The following MLLT1 variants were observed in gnomAD, a reference collection of about 807,000 sequenced individuals.
MLLT1 encodes protein ENL.
MLLT1 carries 11 observed loss-of-function variants against 55.1 expected under a neutral mutation model. The ratio of observed to expected loss-of-function variants is 0.20; its 90% CI spans 0.13 to 0.33. The LOEUF is 0.33. Ranked by LOEUF, MLLT1 falls within the 10% of genes least tolerant of loss-of-function variation. The probability of loss-of-function intolerance (pLI) is 1.00; values close to 1 mark genes in which losing one functional copy is unlikely to be tolerated. For missense variants in MLLT1, 536 were observed against 760.6 expected, an observed-to-expected ratio of 0.70 and a Z score of 3.47; for synonymous variants, 323 against 320.1, an observed-to-expected ratio of 1.01 and a Z score of -0.10.
chr19:6,233,274 C>A (rs113003478), intron 3 of MLLT1, among the ~76,000 whole-genome samples: 1 of 152,310 alleles, frequency 6.6e-6, no homozygotes, highest in African/African-American at 2.4e-5. Flanking sequence ...GCAGCTCCTG[C>A]GGCCGCCCAG....
rs954084806 is a variant in MLLT1, at chr19:6,231,445, C to A, written c.277-732G>T. On this transcript the variant is annotated intron_variant, in intron 3 of 11. Coordinates refer to ENST00000252674, the MANE Select transcript of MLLT1 (RefSeq NM_005934.4). This position sits in a 1 kb window ranked among gnomAD's most constrained non-coding sequence, Gnocchi z 5.1. Reference sequence around the variant, plus strand: ...GGCTTGCAGGAAGGAGCTGTCTGCACGGGCTCCTGTGGAGGCCTAGCCACA... The same window carrying A: ...GGCTTGCAGGAAGGAGCTGTCTGCAAGGGCTCCTGTGGAGGCCTAGCCACA... Among the ~76,000 whole-genome samples the A allele has an allele frequency of 6.6e-6, 1 of 152,102 alleles. No homozygotes were observed. Among genetic ancestry groups the A allele is most frequent in the Non-Finnish European group, 1.5e-5 (1 of 68,018 alleles).
chr19:6,249,065 G>T (rs977262050), intron 3 of MLLT1, among the ~76,000 whole-genome samples: 4 of 152,116 alleles, frequency 2.6e-5, no homozygotes, highest in Admixed American at 2.6e-4. Flanking sequence ...TCTAAATACA[G>T]ATCAAGCCTT....
intron 2 of MLLT1, among the ~76,000 whole-genome samples, chr19:6,263,620 C>T (rs1393587040): frequency 6.6e-6 from 1 of 152,232 alleles, no homozygotes. Context: ...TGCTTCAATT[C>T]AACCAGGGGA....
At chr19:6,268,041 G>A (rs1252389057) in intron 2 of MLLT1, among the ~76,000 whole-genome samples, 1 of 152,154 alleles carries the variant, frequency 6.6e-6, no homozygotes, top group East Asian at 1.9e-4. Flanking sequence ...ACAAGATGAA[G>A]AAGTCATATG....
At chr19:6,272,514 C>A (rs2091403543) in intron 1 of MLLT1, among the ~76,000 whole-genome samples, 1 of 152,216 alleles carries the variant, frequency 6.6e-6, no homozygotes, top group African/African-American at 2.4e-5. Flanking sequence ...CTGGTAGCCA[C>A]GCTGGAGACC....
Position 6,262,327 on chromosome 19 carries a change from G to C in MLLT1, c.194-17C>G. ...CCTTGCACACTAAAAAGAAAAGGAA[G>C]AAACACACCCATCAGCCTCCTGCCT... On this transcript the variant is annotated splice_polypyrimidine_tract_variant and intron_variant, in intron 2 of 11. Coordinates refer to ENST00000252674, the MANE Select transcript of MLLT1 (RefSeq NM_005934.4). The surrounding 1 kb of genome is among the most constrained non-coding windows in gnomAD (Gnocchi z 4.4). 1.2e-6 allele frequency: 2 copies of C among 1,609,258 alleles called. No individual in the cohort carries two copies. Among genetic ancestry groups the C allele is most frequent in the Non-Finnish European group, 1.7e-6 (2 of 1,176,406 alleles).
At chr19:6,264,231 C>T (rs2091328043) in intron 2 of MLLT1, among the ~76,000 whole-genome samples, 1 of 151,098 alleles carries the variant, frequency 6.6e-6, no homozygotes, top group Non-Finnish European at 1.5e-5. Context: ...CTCCTTCCCG[C>T]CCATTCCCCC....
chr19:6,244,449 C>T (rs992776498), intron 3 of MLLT1, among the ~76,000 whole-genome samples: 1 of 151,954 alleles, frequency 6.6e-6, no homozygotes, highest in Non-Finnish European at 1.5e-5. Flanking sequence ...CAGTCTCCCC[C>T]GCCTCTCTCA....
chr19:6,261,805 T>C (rs1367981492), intron 3 of MLLT1, among the ~76,000 whole-genome samples: 1 of 152,176 alleles, frequency 6.6e-6, no homozygotes, highest in Non-Finnish European at 1.5e-5. Context: ...CTGAAGGTCA[T>C]CAAAGATTCT....
chr19:6,261,641 C>CAA (rs556152203), intron 3 of MLLT1, among the ~76,000 whole-genome samples: 14 of 70,694 alleles, frequency 2.0e-4, no homozygotes, highest in African/African-American at 2.0e-4. Context: ...ATCATTAGGC[C>CAA]AAAAAAAAAA....
chr19:6,259,748 C>A (rs934284234), intron 3 of MLLT1: 1 of 141,288 alleles, frequency 7.1e-6, no homozygotes, highest in South Asian at 2.2e-4. Context: ...GGCCCAGCTA[C>A]GCGGCTTCTG....
rs1273260476 is a variant in MLLT1, at chr19:6,240,701, C to T, written c.277-9988G>A. The stretch of plus-strand genomic sequence containing the variant: ...ACGCACAGGGAGAGACTGGACCCCA[C>T]ACTCAGCTACGAACCTCCCGAGACA... On this transcript the variant is annotated intron_variant, in intron 3 of 11. Coordinates refer to ENST00000252674, the MANE Select transcript of MLLT1 (RefSeq NM_005934.4). The surrounding 1 kb of genome is among the most constrained non-coding windows in gnomAD (Gnocchi z 4.7). Among the ~76,000 whole-genome samples, 1 of 152,148 alleles carries T rather than the reference C, an allele frequency of 6.6e-6. No homozygotes were observed.
At chr19:6,233,383 G>A (rs1286505748) in intron 3 of MLLT1, among the ~76,000 whole-genome samples, 3 of 152,220 alleles carry the variant, frequency 2.0e-5, no homozygotes, top group South Asian at 4.1e-4. Context: ...CAAGGCCAGC[G>A]GGTGTGGCCG....
Position 6,210,561 on chromosome 19 carries a change from T to C in MLLT1, c.*2481A>G, listed in dbSNP as rs1235400179. 2 of 220,450 alleles carry C rather than the reference T, an allele frequency of 9.1e-6. No individual in the cohort carries two copies. Among genetic ancestry groups the C allele is most frequent in the Non-Finnish European group, 1.8e-5 (2 of 109,866 alleles). The allele number at this position is 220,450 out of a possible 1,614,324, so 13.7% of individuals were successfully genotyped here. The stretch of plus-strand genomic sequence containing the variant: ...GGCCGATGAGTGTCCTAGTTCCTAG[T>C]GAGACACGTTCTTTGTAAAAACCCT... On this transcript the variant is annotated 3_prime_UTR_variant, in exon 12 of 12. Coordinates refer to ENST00000252674, the MANE Select transcript of MLLT1 (RefSeq NM_005934.4). The surrounding 1 kb of genome is among the most constrained non-coding windows in gnomAD (Gnocchi z 4.6).
At position 6,256,649 on chromosome 19, in the gene MLLT1, G is replaced by A. The variant is rs1280041988; in HGVS notation, c.276+5579C>T. 6.6e-6 allele frequency among the ~76,000 whole-genome samples: 1 copy of A among 152,066 alleles called. No individual in the cohort carries two copies. On this transcript the variant is annotated intron_variant, in intron 3 of 11. Coordinates refer to ENST00000252674, the MANE Select transcript of MLLT1 (RefSeq NM_005934.4). This position sits in a 1 kb window ranked among gnomAD's most constrained non-coding sequence, Gnocchi z 4.1. ...GGCACCTGTAGTCCCAGCTACTCGG[G>A]AGGCTGAGGCAGGAGAATGGTGTGA... is the stretch of plus-strand genomic sequence containing the variant.
intron 5 of MLLT1, among the ~76,000 whole-genome samples, chr19:6,225,074 C>A (rs893226564): frequency 6.6e-6 from 1 of 152,214 alleles, no homozygotes; most frequent in Admixed American, 6.5e-5. Flanking sequence ...CGGGAAAGAG[C>A]AACCAGGCCA....
chr19:6,248,198 G>A (rs1186805314), intron 3 of MLLT1, among the ~76,000 whole-genome samples: 1 of 152,124 alleles, frequency 6.6e-6, no homozygotes, highest in African/African-American at 2.4e-5. Flanking sequence ...TGAGATTTTG[G>A]AGCATTTTTT....
intron 3 of MLLT1, among the ~76,000 whole-genome samples, chr19:6,252,501 A>T (rs893699120): frequency 1.3e-5 from 2 of 152,256 alleles, no homozygotes; most frequent in African/African-American, 4.8e-5. Context: ...TCAAAGAAGA[A>T]ATCACTGGGA....
Position 6,213,054 on chromosome 19 carries a change from G to A in MLLT1, c.1668C>T (p.Ala556=), listed in dbSNP as rs776671696. 5.0e-6 allele frequency: 8 copies of A among 1,613,656 alleles called. No individual in the cohort carries two copies. The highest frequency in any genetic ancestry group is 2.2e-5 in the South Asian group (2 of 91,072). ...ACGCGGCCCAGGGTCATGTGGCCAC[G>A]GCCTCCAGGCAGCTCTGCAGTTTGC... The part of the protein sequence containing the change: ...TVRKLQSCLE[A]VAT The change falls in exon 12 of 12, where the codon GCC becomes GCT. Residue 556 remains alanine (A), a synonymous_variant. Coordinates refer to ENST00000252674, the MANE Select transcript of MLLT1 (RefSeq NM_005934.4).
Sources: gnomAD v4.1 joint callset for allele counts (sites outside exome capture counted in the v4.1 genomes callset) on GRCh38, gnomAD v4.1.1 for gene constraint, Gnocchi (gnomAD v3.1) non-coding constraint, MANE v1.5 for transcripts, NCBI Gene and HGNC (gene_info 2026-07-23, HGNC 2026-07-21) for gene names.